Variants in GPR139 observed in about 807,000 individuals in gnomAD.
GPR139 encodes probable G protein-coupled receptor 139.
GPR139 carries 12 observed loss-of-function variants against 25.8 expected under a neutral mutation model. The observed-to-expected ratio is 0.47, with a 90% CI of 0.30 to 0.75. The LOEUF (loss-of-function observed/expected upper bound fraction) is 0.75. GPR139 is among the 30% of genes least tolerant of loss of function. GPR139 has a pLI of 0.07. For missense variants in GPR139, 380 were observed against 450.2 expected (o/e 0.84, Z 1.41); for synonymous variants, 184 against 179.9 (o/e 1.02, Z -0.18).
chr16:20,055,625 G>GGACA (rs1225723628), intron 1 of GPR139, among the ~76,000 whole-genome samples: 3 of 152,228 alleles, frequency 2.0e-5, no homozygotes, highest in African/African-American at 7.2e-5. Flanking sequence ...TCTCCAACAT[G>GGACA]GACAGCCTTT....
At chr16:20,061,227 G>GGATGTGTGGA (rs1480042865) in intron 1 of GPR139, among the ~76,000 whole-genome samples, 25 of 77,832 alleles carry the variant, frequency 3.2e-4, no homozygotes, top group African/African-American at 7.1e-4. Context: ...GGATGGATGT[G>GGATGTGTGGA]TGGATGGATG....
In GPR139 at chr16:20,029,351, A is replaced by G. The variant is rs1285912172; in HGVS notation, c.*2384T>C. 1.3e-5 allele frequency among the ~76,000 whole-genome samples: 2 copies of G among 152,160 alleles called. No homozygotes were observed. Among genetic ancestry groups the G allele is most frequent in the African/African-American group, 4.8e-5 (2 of 41,432 alleles). Reference sequence around the variant, plus strand: ...TGGAGCAGAGAGCATGGAGAGTCACATACATATTTTCCATCTTATATACAT... The same window carrying G: ...TGGAGCAGAGAGCATGGAGAGTCACGTACATATTTTCCATCTTATATACAT... On this transcript the variant is annotated 3_prime_UTR_variant, in exon 2 of 2. Coordinates refer to ENST00000570682, the MANE Select transcript of GPR139 (RefSeq NM_001002911.4).
At chr16:20,047,921 C>T (rs866183573) in intron 1 of GPR139, among the ~76,000 whole-genome samples, 4 of 152,114 alleles carry the variant, frequency 2.6e-5, no homozygotes, top group Admixed American at 2.0e-4. Context: ...TAAATTAATA[C>T]AGGGAAAGTG....
At chr16:20,067,837 C>G (rs978500703) in intron 1 of GPR139, among the ~76,000 whole-genome samples, 3 of 147,466 alleles carry the variant, frequency 2.0e-5, no homozygotes, top group Non-Finnish European at 4.5e-5. Context: ...ATTGGAGTGC[C>G]TATGTGCTTT....
intron 1 of GPR139, among the ~76,000 whole-genome samples, chr16:20,061,186 G>A (rs900787705): frequency 2.1e-5 from 3 of 145,288 alleles, no homozygotes; most frequent in Non-Finnish European, 3.0e-5. Context: ...AGAATGGATG[G>A]ATGGATGGAT....
At chr16:20,045,694 A>G (rs1347381929) in intron 1 of GPR139, among the ~76,000 whole-genome samples, 1 of 152,208 alleles carries the variant, frequency 6.6e-6, no homozygotes, top group Non-Finnish European at 1.5e-5. Flanking sequence ...CCTGGGAATC[A>G]GTGGGGATAA....
intron 1 of GPR139, among the ~76,000 whole-genome samples, chr16:20,061,229 GGATGGA>G (rs1567239897): frequency 0.055 from 4,388 of 79,588 alleles, 76 homozygotes; most frequent in Non-Finnish European, 0.096. Context: ...ATGGATGTGT[GGATGGA>G]TGGATGGATG....
At chr16:20,065,990 G>GT (rs2057432841) in intron 1 of GPR139, among the ~76,000 whole-genome samples, 2 of 151,866 alleles carry the variant, frequency 1.3e-5, no homozygotes, top group East Asian at 1.9e-4. Flanking sequence ...GAAATAGTTT[G>GT]TTTTTTTGTT....
chr16:20,034,556 T>A lies in GPR139; in HGVS notation c.128-1887A>T, dbSNP rs2057303392. On this transcript the variant is annotated intron_variant, in intron 1 of 1. Coordinates refer to ENST00000570682, the MANE Select transcript of GPR139 (RefSeq NM_001002911.4). ...CTTTCTTTCTTTTTCAGAGACCCGGTCTTGCTATGTTGCCCAGGCTGGAGT... is the reference window on the plus strand; with the variant it reads ...CTTTCTTTCTTTTTCAGAGACCCGGACTTGCTATGTTGCCCAGGCTGGAGT... Among the ~76,000 whole-genome samples, 9 of 152,252 alleles carry A rather than the reference T, an allele frequency of 5.9e-5. No homozygotes were observed. In the South Asian group the frequency reaches 1.9e-3, roughly 32 times the overall value.
chr16:20,044,358 G>A (rs1025638356), intron 1 of GPR139, among the ~76,000 whole-genome samples: 2 of 152,092 alleles, frequency 1.3e-5, no homozygotes, highest in African/African-American at 2.4e-5. Context: ...CTGTAGGTTG[G>A]GCTCTGATAT....
chr16:20,065,165 C>A (rs941669906), intron 1 of GPR139, among the ~76,000 whole-genome samples: 1 of 152,250 alleles, frequency 6.6e-6, no homozygotes, highest in Admixed American at 6.5e-5. Flanking sequence ...ATCAAGCCTG[C>A]AGATATGTTT....
At chr16:20,059,666 C>A (rs1156751113) in intron 1 of GPR139, among the ~76,000 whole-genome samples, 2 of 152,190 alleles carry the variant, frequency 1.3e-5, no homozygotes, top group Non-Finnish European at 2.9e-5. Context: ...GCAGGGACTT[C>A]TTCGTATTTT....
chr16:20,055,112 C>T (rs1426770332), intron 1 of GPR139, among the ~76,000 whole-genome samples: 3 of 149,090 alleles, frequency 2.0e-5, no homozygotes, highest in South Asian at 2.3e-4. Flanking sequence ...CACCCTCCAC[C>T]GTCTGATAGG....
chr16:20,067,553 C>T (rs1335561315), intron 1 of GPR139, among the ~76,000 whole-genome samples: 1 of 152,046 alleles, frequency 6.6e-6, no homozygotes, highest in East Asian at 1.9e-4. Flanking sequence ...GCCTGTAATC[C>T]CAGCACTTTG....
chr16:20,066,735 T>C (rs963705698), intron 1 of GPR139, among the ~76,000 whole-genome samples: 1 of 152,238 alleles, frequency 6.6e-6, no homozygotes, highest in Non-Finnish European at 1.5e-5. Context: ...CACAGAAGGT[T>C]AATAGCATTT....
chr16:20,044,229 G>A (rs2057346352), intron 1 of GPR139, among the ~76,000 whole-genome samples: 1 of 152,186 alleles, frequency 6.6e-6, no homozygotes, highest in Admixed American at 6.5e-5. Flanking sequence ...GCAATTCTAG[G>A]AACAGTCTTC....
At chr16:20,070,959 C>G in intron 1 of GPR139, 4 of 985,542 alleles carry the variant, frequency 4.1e-6, no homozygotes, top group Non-Finnish European at 4.8e-6. Context: ...AGTCCCTCCT[C>G]TGGTCACTGG....
intron 1 of GPR139, among the ~76,000 whole-genome samples, chr16:20,062,572 C>A (rs1449176825): frequency 1.3e-5 from 2 of 152,202 alleles, no homozygotes; most frequent in Non-Finnish European, 2.9e-5. Context: ...CCCAAACAGA[C>A]CAAGACACCC....
chr16:20,037,803 G>A (rs532840612), intron 1 of GPR139, among the ~76,000 whole-genome samples: 19 of 152,280 alleles, frequency 1.2e-4, no homozygotes, highest in South Asian at 6.2e-4. Flanking sequence ...TAAAGAATGC[G>A]TTTCCTGTTC....
Sources: gnomAD v4.1 joint callset for allele counts (sites outside exome capture counted in the v4.1 genomes callset) on GRCh38, gnomAD v4.1.1 for gene constraint, MANE v1.5 for transcripts, NCBI Gene and HGNC (gene_info 2026-07-23, HGNC 2026-07-21) for gene names.